Variants in SCHIP1 observed in about 807,000 individuals in gnomAD.
SCHIP1 encodes the protein schwannomin interacting protein 1.
SCHIP1 carries 8 observed loss-of-function variants against 29.7 expected under a neutral mutation model. The observed-to-expected ratio is 0.27, with a 90% CI of 0.16 to 0.49. The LOEUF (loss-of-function observed/expected upper bound fraction) is 0.49, where lower values mean the gene tolerates loss of function less well. Ranked by LOEUF, SCHIP1 falls within the 20% of genes least tolerant of loss-of-function variation. SCHIP1 has a pLI of 0.99. For missense variants in SCHIP1, 193 were observed against 294.6 expected (o/e 0.66, Z 2.52); for synonymous variants, 76 against 94.9 (o/e 0.80, Z 1.16).
At chr3:159,786,759 A>G in the SCHIP1 span, among the ~76,000 whole-genome samples, 1 of 150,572 alleles carries the variant, frequency 6.6e-6, no homozygotes. Context: ...GTCTGTGTGT[A>G]GTGGAGGGAT....
the SCHIP1 span, among the ~76,000 whole-genome samples, chr3:159,453,340 G>A: frequency 1.3e-5 from 2 of 152,168 alleles, no homozygotes; most frequent in South Asian, 2.1e-4. Flanking sequence ...AGGGAGATAA[G>A]CCATATGAGA....
At chr3:159,529,089 A>T in the SCHIP1 span, among the ~76,000 whole-genome samples, 2 of 152,182 alleles carry the variant, frequency 1.3e-5, no homozygotes, top group Non-Finnish European at 2.9e-5. Context: ...GTATATAATA[A>T]CCATATATAT....
chr3:159,456,426 A>G, the SCHIP1 span, among the ~76,000 whole-genome samples: 3 of 152,204 alleles, frequency 2.0e-5, no homozygotes, highest in Admixed American at 2.0e-4. Context: ...AACAAAATTC[A>G]TACCCAACTA....
chr3:159,850,621 G>A (rs1244881949), intron 1 of SCHIP1, among the ~76,000 whole-genome samples: 1 of 151,764 alleles, frequency 6.6e-6, no homozygotes, highest in Non-Finnish European at 1.5e-5. Context: ...TTGGCTCATG[G>A]TTCTGCTGGC....
the SCHIP1 span, among the ~76,000 whole-genome samples, chr3:159,422,063 T>G: frequency 6.6e-6 from 1 of 152,250 alleles, no homozygotes; most frequent in Non-Finnish European, 1.5e-5. Context: ...GTTATTTAGT[T>G]GCTAAATTTA....
chr3:159,456,142 C>T, the SCHIP1 span, among the ~76,000 whole-genome samples: 323 of 152,238 alleles, frequency 2.1e-3, 2 homozygotes, highest in African/African-American at 7.3e-3. Context: ...TTCCCTGAGC[C>T]GCTCTGTCAT....
At chr3:159,555,224 T>C in the SCHIP1 span, among the ~76,000 whole-genome samples, 1 of 152,202 alleles carries the variant, frequency 6.6e-6, no homozygotes, top group Non-Finnish European at 1.5e-5. Flanking sequence ...CCAGTATTAA[T>C]AGTGACTCTG....
the SCHIP1 span, among the ~76,000 whole-genome samples, chr3:159,757,001 G>C: frequency 6.6e-6 from 1 of 152,222 alleles, no homozygotes; most frequent in Non-Finnish European, 1.5e-5. Flanking sequence ...TCTCTAGGAA[G>C]TTCCAAACTT....
chr3:159,660,481 C>CTG, the SCHIP1 span, among the ~76,000 whole-genome samples: 5 of 152,034 alleles, frequency 3.3e-5, no homozygotes, highest in South Asian at 8.3e-4. Context: ...TAATGTAGAT[C>CTG]TGTGTGTGTA....
At chr3:159,814,125 G>T in the SCHIP1 span, among the ~76,000 whole-genome samples, 1 of 152,192 alleles carries the variant, frequency 6.6e-6, no homozygotes, top group African/African-American at 2.4e-5. Context: ...GCCTGTGGCT[G>T]AGGAGAACTA....
chr3:159,720,466 C>G, the SCHIP1 span, among the ~76,000 whole-genome samples: 2 of 151,946 alleles, frequency 1.3e-5, no homozygotes, highest in African/African-American at 4.8e-5. Context: ...TTAGAAGGAG[C>G]TATAATTTAT....
the SCHIP1 span, among the ~76,000 whole-genome samples, chr3:159,606,522 T>A: frequency 1.3e-5 from 2 of 152,100 alleles, no homozygotes; most frequent in African/African-American, 4.8e-5. Context: ...ACTAATAGCT[T>A]TAAGAAACAG....
At chr3:159,437,822 A>G in the SCHIP1 span, among the ~76,000 whole-genome samples, 1 of 152,146 alleles carries the variant, frequency 6.6e-6, no homozygotes, top group Non-Finnish European at 1.5e-5. Flanking sequence ...CTCATATTTA[A>G]TCATGGAATC....
At chr3:159,582,474 C>T in the SCHIP1 span, among the ~76,000 whole-genome samples, 259 of 152,150 alleles carry the variant, frequency 1.7e-3, 1 homozygote, top group Middle Eastern at 6.8e-3. Flanking sequence ...TCTGAAGGCT[C>T]GGATGATTGT....
At chr3:159,616,051 C>T in the SCHIP1 span, among the ~76,000 whole-genome samples, 1 of 152,160 alleles carries the variant, frequency 6.6e-6, no homozygotes, top group East Asian at 1.9e-4. Flanking sequence ...TCTCTTTTCC[C>T]AGTCTCAGTG....
chr3:159,391,777 T>G, the SCHIP1 span, among the ~76,000 whole-genome samples: 1 of 152,214 alleles, frequency 6.6e-6, no homozygotes, highest in Non-Finnish European at 1.5e-5. Context: ...CATAGCTGGA[T>G]CTTAACAACC....
At chr3:159,709,179 A>C in the SCHIP1 span, among the ~76,000 whole-genome samples, 20 of 152,310 alleles carry the variant, frequency 1.3e-4, 1 homozygote, top group African/African-American at 4.8e-4. Context: ...ACAAATGAAG[A>C]AAATATTAGT....
the SCHIP1 span, among the ~76,000 whole-genome samples, chr3:159,662,694 C>T: frequency 2.0e-5 from 3 of 152,258 alleles, no homozygotes; most frequent in Admixed American, 1.3e-4. Flanking sequence ...TTCCTAGTTT[C>T]CTATCCTCTA....
the SCHIP1 span, among the ~76,000 whole-genome samples, chr3:159,659,291 T>C: frequency 5.3e-5 from 8 of 152,198 alleles, no homozygotes; most frequent in South Asian, 6.2e-4. Context: ...CGACTGATCA[T>C]GAAATCTCCA....
Sources: allele counts gnomAD v4.1 joint callset (sites outside exome capture counted in the v4.1 genomes callset), GRCh38; gene constraint gnomAD v4.1.1; transcripts MANE v1.5; gene names NCBI Gene and HGNC (gene_info 2026-07-23, HGNC 2026-07-21).